HOMER1: variants seen among roughly 807,000 people sequenced by gnomAD.
HOMER1 encodes homer scaffold protein 1, also known as homer protein homolog 1.
Under a neutral mutation model 48.9 loss-of-function variants are expected in HOMER1, and 3 were observed. That is an observed-to-expected ratio of 0.06 (90% confidence interval 0.03 to 0.16). The LOEUF (loss-of-function observed/expected upper bound fraction) is 0.16, where lower values mean the gene tolerates loss of function less well. Ranked by LOEUF, HOMER1 falls within the 10% of genes least tolerant of loss-of-function variation. The pLI, the probability that HOMER1 is intolerant of heterozygous loss-of-function variation, is 1.00. For synonymous variants in HOMER1, 134 were observed against 146.4 expected, an observed-to-expected ratio of 0.92 and a Z score of 0.61; for missense variants, 247 against 411.4, an observed-to-expected ratio of 0.60 and a Z score of 3.46.
intron 5 of HOMER1, among the ~76,000 whole-genome samples, chr5:79,404,960 C>T (rs1043845884): frequency 1.5e-4 from 23 of 151,818 alleles, no homozygotes; most frequent in African/African-American, 5.1e-4. Flanking sequence ...CCACCCGCCT[C>T]GGCCTTCCAA....
At chr5:79,427,708 C>A (rs181111463) in intron 5 of HOMER1, among the ~76,000 whole-genome samples, 1 of 118,188 alleles carries the variant, frequency 8.5e-6, no homozygotes, top group African/African-American at 3.8e-5. Flanking sequence ...TCCTTCCTTC[C>A]TTTCCTTCCC....
At chr5:79,387,069 T>TC (rs1749133581) in intron 8 of HOMER1, among the ~76,000 whole-genome samples, 67 of 132,262 alleles carry the variant, frequency 5.1e-4, no homozygotes, top group African/African-American at 1.9e-3. Flanking sequence ...TTTCCTTTCT[T>TC]TCTCTATCTC....
At chr5:79,399,629 G>A (rs1239993038) in intron 6 of HOMER1, among the ~76,000 whole-genome samples, 1 of 152,066 alleles carries the variant, frequency 6.6e-6, no homozygotes, top group Non-Finnish European at 1.5e-5. Context: ...ACAAATTCAA[G>A]ATAATCTCCA....
At chr5:79,487,737 G>A (rs1752150219) in intron 1 of HOMER1, among the ~76,000 whole-genome samples, 1 of 152,134 alleles carries the variant, frequency 6.6e-6, no homozygotes, top group African/African-American at 2.4e-5. Flanking sequence ...ACATTGATGA[G>A]GCAACTGGGG....
intron 5 of HOMER1, among the ~76,000 whole-genome samples, chr5:79,409,918 T>G (rs1415237160): frequency 6.6e-6 from 1 of 152,178 alleles, no homozygotes; most frequent in Non-Finnish European, 1.5e-5. Context: ...ACGCTGTTGG[T>G]AGGAATGTAA....
intron 1 of HOMER1, 44 bp downstream of exon 1, chr5:79,512,726 T>A (rs373669484): frequency 1.1e-4 from 175 of 1,597,816 alleles, no homozygotes; most frequent in Non-Finnish European, 1.4e-4. Context: ...ATAATACACA[T>A]ACATAAACAG....
At chr5:79,380,526 C>T (rs917312908) in intron 8 of HOMER1, among the ~76,000 whole-genome samples, 5 of 152,218 alleles carry the variant, frequency 3.3e-5, no homozygotes, top group African/African-American at 1.2e-4. Context: ...GCACATTTCC[C>T]ACACATCAGC....
chr5:79,435,270 A>C (rs1173313923), intron 5 of HOMER1, among the ~76,000 whole-genome samples: 3 of 152,224 alleles, frequency 2.0e-5, no homozygotes, highest in Non-Finnish European at 4.4e-5. Flanking sequence ...CATGTTAATT[A>C]ACAAATTCAT....
chr5:79,460,444 T>C (rs1269455028), intron 1 of HOMER1, among the ~76,000 whole-genome samples: 1 of 152,112 alleles, frequency 6.6e-6, no homozygotes, highest in South Asian at 2.1e-4. Flanking sequence ...GCACAAAATT[T>C]GGCAGCAATA....
intron 1 of HOMER1, among the ~76,000 whole-genome samples, chr5:79,478,187 G>A (rs1036041181): frequency 2.0e-5 from 3 of 152,124 alleles, no homozygotes; most frequent in African/African-American, 7.2e-5. Flanking sequence ...ATTTCAATAT[G>A]CCTTTGCTGT....
chr5:79,504,864 T>C (rs1285911621), intron 1 of HOMER1, among the ~76,000 whole-genome samples: 3 of 152,162 alleles, frequency 2.0e-5, no homozygotes, highest in Non-Finnish European at 4.4e-5. Context: ...TTCCCCCAAA[T>C]CCTTTCAACT....
intron 1 of HOMER1, among the ~76,000 whole-genome samples, chr5:79,470,184 C>A (rs986789264): frequency 6.6e-6 from 1 of 152,098 alleles, no homozygotes. Flanking sequence ...CTTAACAAGA[C>A]AAGTTTACTA....
rs1316759262 is a variant in HOMER1 at position 79,512,811 on chromosome 5, T to C, written c.-37A>G. The C allele has an allele frequency of 1.2e-6, 2 of 1,610,680 alleles. No individual in the cohort carries two copies. The highest frequency in any genetic ancestry group is 1.7e-6 in the Non-Finnish European group (2 of 1,177,008). Reference sequence around the variant, plus strand: ...AAAACTTGCTCTGAAGTTTCAGCTCTTATGCTACGGAATAACTTCCAAAGG... The same window carrying C: ...AAAACTTGCTCTGAAGTTTCAGCTCCTATGCTACGGAATAACTTCCAAAGG... On this transcript the variant is annotated 5_prime_UTR_variant, in exon 1 of 9. Transcript: ENST00000334082.
chr5:79,469,612 T>A (rs981951391), intron 1 of HOMER1, among the ~76,000 whole-genome samples: 2 of 152,180 alleles, frequency 1.3e-5, no homozygotes, highest in Admixed American at 6.5e-5. Flanking sequence ...TTATTTTATT[T>A]TTATCTGTTG....
At chr5:79,442,154 CAAAT>C (rs1750754898) in intron 4 of HOMER1, among the ~76,000 whole-genome samples, 2 of 151,748 alleles carry the variant, frequency 1.3e-5, no homozygotes, top group African/African-American at 4.8e-5. Flanking sequence ...CCCACCAAAA[CAAAT>C]AATCTACAGT....
chr5:79,486,378 T>A (rs781140265), intron 1 of HOMER1, among the ~76,000 whole-genome samples: 2 of 152,190 alleles, frequency 1.3e-5, no homozygotes, highest in Non-Finnish European at 2.9e-5. Flanking sequence ...GGCAAGAGCT[T>A]GTCAGGTCCA....
intron 1 of HOMER1, among the ~76,000 whole-genome samples, chr5:79,462,751 A>C (rs1180102484): frequency 1.3e-5 from 2 of 152,210 alleles, no homozygotes; most frequent in African/African-American, 4.8e-5. Flanking sequence ...AAAATCAATG[A>C]TGATGCTGTT....
intron 6 of HOMER1, among the ~76,000 whole-genome samples, chr5:79,399,397 G>T (rs1000300494): frequency 6.6e-6 from 1 of 152,212 alleles, no homozygotes; most frequent in Non-Finnish European, 1.5e-5. Flanking sequence ...CTGGAAGGCT[G>T]AAAGAACTAA....
intron 5 of HOMER1, among the ~76,000 whole-genome samples, chr5:79,403,422 C>T (rs934634292): frequency 1.3e-5 from 2 of 152,106 alleles, no homozygotes; most frequent in Non-Finnish European, 1.5e-5. Context: ...ATTAGCATCA[C>T]GAACCCCCTG....
Sources: gnomAD v4.1 joint callset for allele counts (sites outside exome capture counted in the v4.1 genomes callset) on GRCh38, gnomAD v4.1.1 for gene constraint, MANE v1.5 for transcripts, NCBI Gene and HGNC (gene_info 2026-07-23, HGNC 2026-07-21) for gene names.